The following ABHD17B variants were observed in gnomAD, a reference collection of about 807,000 sequenced individuals.
ABHD17B encodes the protein abhydrolase domain containing 17B, depalmitoylase, also known as alpha/beta hydrolase domain-containing protein 17B.
A neutral mutation model predicts 26.2 loss-of-function variants in ABHD17B; 9 were observed. That is an observed-to-expected ratio of 0.34 (90% CI 0.21 to 0.60). The LOEUF (loss-of-function observed/expected upper bound fraction) is 0.60. ABHD17B is among the 20% of genes least tolerant of loss of function. The pLI, the probability that ABHD17B is intolerant of heterozygous loss-of-function variation, is 0.80. For synonymous variants in ABHD17B, 127 were observed against 122.3 expected (o/e 1.04, Z -0.25); for missense variants, 224 against 352.1 (o/e 0.64, Z 2.91).
In ABHD17B at chr9:71,907,395, G is replaced by A. The variant is rs1240700752; in HGVS notation, c.-4+3239C>T. Reference sequence around the variant, plus strand: ...TCATAGGATAAAGGTATGTAGTTAAGTATCAACACGTGGATATAGGAAGGA... The same window carrying A: ...TCATAGGATAAAGGTATGTAGTTAAATATCAACACGTGGATATAGGAAGGA... On this transcript the variant is annotated intron_variant, in intron 1 of 3. Coordinates refer to ENST00000333421, the MANE Select transcript of ABHD17B (RefSeq NM_001025780.3). Among the ~76,000 whole-genome samples the A allele has an allele frequency of 5.3e-5, 8 of 152,180 alleles. No individual in the cohort carries two copies. In the East Asian group the frequency reaches 1.3e-3, roughly 26 times the overall value.
At chr9:71,908,637 C>G (rs1030417151) in intron 1 of ABHD17B, among the ~76,000 whole-genome samples, 4 of 152,094 alleles carry the variant, frequency 2.6e-5, no homozygotes, top group African/African-American at 9.7e-5. Flanking sequence ...ATCTTAACAC[C>G]AATCTTAATA....
At chr9:71,891,191 T>C (rs1173525870) in intron 1 of ABHD17B, among the ~76,000 whole-genome samples, 5 of 152,214 alleles carry the variant, frequency 3.3e-5, no homozygotes, top group African/African-American at 9.6e-5. Flanking sequence ...TACCAAGTAA[T>C]AAAAGTGTCT....
intron 1 of ABHD17B, among the ~76,000 whole-genome samples, chr9:71,902,873 AC>A (rs998085095): frequency 6.6e-6 from 1 of 152,328 alleles, no homozygotes; most frequent in South Asian, 2.1e-4. Context: ...ACTTAAAAAA[AC>A]ATCTAAATTC....
chr9:71,877,718 GAAA>G (rs1826320857), intron 1 of ABHD17B, among the ~76,000 whole-genome samples: 1 of 152,252 alleles, frequency 6.6e-6, no homozygotes, highest in East Asian at 1.9e-4. Flanking sequence ...GCACCCAGCA[GAAA>G]AACTTTCATA....
At chr9:71,906,301 G>A (rs1808367603) in intron 1 of ABHD17B, among the ~76,000 whole-genome samples, 1 of 152,130 alleles carries the variant, frequency 6.6e-6, no homozygotes, top group Non-Finnish European at 1.5e-5. Context: ...ACTTTTCTGA[G>A]GATAGTTTGT....
rs916684279 is a variant in ABHD17B, at chr9:71,865,395, C to G, written c.*1392G>C. 1.0e-6 allele frequency: 1 copy of G among 984,134 alleles called. No individual in the cohort carries two copies. The highest frequency in any genetic ancestry group is 5.2e-4 in the Middle Eastern group (1 of 1,908). 61.0% of individuals were successfully genotyped at this position (984,134 alleles called of 1,614,324 possible). On this transcript the variant is annotated 3_prime_UTR_variant, in exon 4 of 4. Coordinates refer to ENST00000333421, the MANE Select transcript of ABHD17B (RefSeq NM_001025780.3). ...TATTTTTATTTTTCATTGTTTTATT[C>G]AGACAGGGTTCATTCAAGGAAAGGC...
At chr9:71,896,681 AACACACACAC>A (rs147044015) in intron 1 of ABHD17B, among the ~76,000 whole-genome samples, 1 of 147,596 alleles carries the variant, frequency 6.8e-6, no homozygotes, top group Non-Finnish European at 1.5e-5. Flanking sequence ...CTTCTACCAA[AACACACACAC>A]ACACACACAC....
intron 1 of ABHD17B, among the ~76,000 whole-genome samples, chr9:71,900,753 C>A (rs191917575): frequency 6.6e-6 from 1 of 151,880 alleles, no homozygotes; most frequent in Non-Finnish European, 1.5e-5. Flanking sequence ...TTGATACTAT[C>A]CCCCCCTCAT....
intron 1 of ABHD17B, among the ~76,000 whole-genome samples, chr9:71,885,368 G>A (rs1203256710): frequency 6.6e-6 from 1 of 150,658 alleles, no homozygotes; most frequent in Admixed American, 6.7e-5. Flanking sequence ...TCTGAGGCAG[G>A]AGAATGGCTT....
chr9:71,867,039 T>A, intron 3 of ABHD17B, 33 bp from the exon 4 acceptor site: 9 of 1,604,642 alleles, frequency 5.6e-6, no homozygotes, highest in Non-Finnish European at 7.7e-6. Flanking sequence ...AAAAATGCAA[T>A]AAATTAACTA....
chr9:71,878,279 G>A (rs2132148122), intron 1 of ABHD17B, among the ~76,000 whole-genome samples: 1 of 152,242 alleles, frequency 6.6e-6, no homozygotes, highest in Admixed American at 6.5e-5. Context: ...TAAAAGATCA[G>A]GTTGAGTAAT....
chr9:71,876,595 A>G (rs1826282280), intron 1 of ABHD17B, among the ~76,000 whole-genome samples: 1 of 151,580 alleles, frequency 6.6e-6, no homozygotes, highest in African/African-American at 2.4e-5. Context: ...GTGGCATCCA[A>G]TTTTCTCCAA....
chr9:71,899,277 T>C (rs1230825697), intron 1 of ABHD17B, among the ~76,000 whole-genome samples: 1 of 152,216 alleles, frequency 6.6e-6, no homozygotes, highest in East Asian at 1.9e-4. Context: ...GTAATGCAAC[T>C]GGGGAAGAGT....
At chr9:71,876,470 T>C (rs1393032359) in intron 1 of ABHD17B, among the ~76,000 whole-genome samples, 1 of 152,196 alleles carries the variant, frequency 6.6e-6, no homozygotes, top group African/African-American at 2.4e-5. Context: ...TTGTTAGTTC[T>C]ATCAGTATTT....
intron 1 of ABHD17B, among the ~76,000 whole-genome samples, chr9:71,903,443 A>C (rs1188277013): frequency 6.6e-6 from 1 of 152,332 alleles, no homozygotes; most frequent in East Asian, 1.9e-4. Context: ...ATCAAATGTA[A>C]TCAGATTTGA....
At chr9:71,874,024 A>G (rs139080956) in intron 2 of ABHD17B, among the ~76,000 whole-genome samples, 26 of 152,348 alleles carry the variant, frequency 1.7e-4, no homozygotes, top group African/African-American at 6.3e-4. Flanking sequence ...AAAGCAATCC[A>G]GCCTCATACT....
intron 1 of ABHD17B, among the ~76,000 whole-genome samples, chr9:71,890,137 A>C (rs1182260862): frequency 6.7e-6 from 1 of 149,886 alleles, no homozygotes; most frequent in Non-Finnish European, 1.5e-5. Flanking sequence ...TAAATAAATA[A>C]ATATTAGCTG....
intron 1 of ABHD17B, 46 bp from the exon 2 acceptor site, chr9:71,875,129 G>T: frequency 7.0e-7 from 1 of 1,433,270 alleles, no homozygotes; most frequent in Non-Finnish European, 9.6e-7. Context: ...ACTGAATGTA[G>T]ACTCATACAA....
At chr9:71,879,254 T>C (rs1826369601) in intron 1 of ABHD17B, among the ~76,000 whole-genome samples, 1 of 152,224 alleles carries the variant, frequency 6.6e-6, no homozygotes, top group Non-Finnish European at 1.5e-5. Context: ...TAATACAATG[T>C]TTTTTGTACA....
Sources: gnomAD v4.1 joint callset for allele counts (sites outside exome capture counted in the v4.1 genomes callset) on GRCh38, gnomAD v4.1.1 for gene constraint, MANE v1.5 for transcripts, NCBI Gene and HGNC (gene_info 2026-07-23, HGNC 2026-07-21) for gene names.